The following ANKRD36C variants were observed in gnomAD, a reference collection of about 807,000 sequenced individuals.
The protein encoded by ANKRD36C is ankyrin repeat domain-containing protein 36C.
Under a neutral mutation model 276.4 loss-of-function variants are expected in ANKRD36C, and 61 were observed. The ratio of observed to expected loss-of-function variants is 0.22; its 90% CI spans 0.18 to 0.27. The LOEUF is 0.27. Ranked by LOEUF, ANKRD36C falls within the 10% of genes least tolerant of loss-of-function variation. The pLI is 1.00. For missense variants in ANKRD36C, 1,447 were observed against 2,032.3 expected (o/e 0.71, Z 5.54); for synonymous variants, 483 against 680.1 (o/e 0.71, Z 4.51).
chr2:95,903,274 T>C (rs1472840881), intron 42 of ANKRD36C, among the ~76,000 whole-genome samples, 193 bp from the exon 53 acceptor site: 6 of 150,376 alleles, frequency 4.0e-5, no homozygotes, highest in African/African-American at 1.2e-4. Flanking sequence ...CTCCACGAAA[T>C]ATAGTCTTAG....
Position 95,977,169 on chromosome 2 carries a change from CT to C in ANKRD36C, c.799+952del, listed in dbSNP as rs199704503. 3.8e-3 allele frequency among the ~76,000 whole-genome samples: 575 copies of C among 152,242 alleles called. 25 individuals are homozygous for C. Among genetic ancestry groups the C allele is most frequent in the Admixed American group, 0.034 (522 of 15,270 alleles). On this transcript the variant is annotated intron_variant, in intron 6 of 66. Transcript: ENST00000456556. ...TCCAGTCAGTGAACATGTCCTACTCCTTTCTTGTGTGCAGTATAAAGGCCAG... is the reference window on the plus strand; with the variant it reads ...TCCAGTCAGTGAACATGTCCTACTCCTTCTTGTGTGCAGTATAAAGGCCAG...
rs375580710 is a variant in ANKRD36C at position 95,884,406 on chromosome 2, C to T, written c.3164-38G>A. 36 of 1,610,088 alleles carry T rather than the reference C, an allele frequency of 2.2e-5. No individual in the cohort carries two copies. The South Asian group carries it at 2.6e-4, about 12-fold the overall frequency. Reference sequence around the variant, plus strand: ...AGGGATACATAATCACCCACATGCACGTATGATAAAGTTATTCATACATTC... The same window carrying T: ...AGGGATACATAATCACCCACATGCATGTATGATAAAGTTATTCATACATTC... On this transcript the variant is annotated intron_variant, in intron 52 of 66. Transcript: ENST00000456556.
At chr2:95,875,378 T>C (rs554269189) in intron 59 of ANKRD36C, among the ~76,000 whole-genome samples, 77 of 151,780 alleles carry the variant, frequency 5.1e-4, no homozygotes, top group African/African-American at 1.7e-3. Flanking sequence ...ATGTCCTTTG[T>C]AGGGACATGG....
intron 6 of ANKRD36C, among the ~76,000 whole-genome samples, chr2:95,974,890 G>A (rs1473492087): frequency 6.9e-6 from 1 of 145,922 alleles, no homozygotes; most frequent in African/African-American, 2.6e-5. Context: ...ACCTATGAGT[G>A]AGAACATGTG....
intron 59 of ANKRD36C, among the ~76,000 whole-genome samples, chr2:95,871,902 G>A (rs903707609): frequency 5.3e-5 from 8 of 150,704 alleles, no homozygotes; most frequent in African/African-American, 2.0e-4. Context: ...AACCAACAAA[G>A]ATCAAAAGAG....
rs376505642 is a variant in ANKRD36C, at chr2:95,852,578, G to A, written c.5149-382C>T. 7.7e-4 allele frequency: 134 copies of A among 174,414 alleles called. 3 individuals carry two copies. In the East Asian group the frequency reaches 0.013, roughly 16 times the overall value. The allele number at this position is 174,414 out of a possible 1,614,324, so 10.8% of individuals were successfully genotyped here. Reference sequence around the variant, plus strand: ...CTTGCTTTTGAATTACATTTTATCAGTTAAATACTCAAACTTACAAACTGG... The same window carrying A: ...CTTGCTTTTGAATTACATTTTATCAATTAAATACTCAAACTTACAAACTGG... On this transcript the variant is annotated intron_variant, in intron 64 of 66. Coordinates refer to ENST00000456556, the Ensembl canonical transcript of ANKRD36C.
At chr2:95,911,097 C>T (rs772558060) in intron 42 of ANKRD36C, among the ~76,000 whole-genome samples, 1 of 151,470 alleles carries the variant, frequency 6.6e-6, no homozygotes, top group Non-Finnish European at 1.5e-5. Context: ...AAATTGATCA[C>T]TTTGGATACC....
At chr2:95,855,734 A>G (rs1442785459) in exon 63 of ANKRD36C, 4 of 1,613,490 alleles carry the variant, frequency 2.5e-6, no homozygotes, top group African/African-American at 2.7e-5. Context: ...GAATCAGAAC[A>G]TGAGAATTCA....
At chr2:95,919,245 C>T (rs906620513) in intron 34 of ANKRD36C, among the ~76,000 whole-genome samples, 1 of 133,794 alleles carries the variant, frequency 7.5e-6, no homozygotes, top group African/African-American at 2.5e-5. Flanking sequence ...CTTTTCCCTC[C>T]TTCCTGCCTG....
chr2:95,915,174 G>A (rs964213155), intron 38 of ANKRD36C, among the ~76,000 whole-genome samples: 1 of 151,520 alleles, frequency 6.6e-6, no homozygotes, highest in South Asian at 2.1e-4. Context: ...GGAGTATCAT[G>A]TTATTTTCTA....
chr2:95,921,258 A>G (rs1281403683), intron 34 of ANKRD36C, among the ~76,000 whole-genome samples: 1 of 150,556 alleles, frequency 6.6e-6, no homozygotes, highest in Non-Finnish European at 1.5e-5. Context: ...TGTCTGTAAA[A>G]TCTATACTTC....
exon 1 of ANKRD36C, chr2:95,991,633 A>T: frequency 6.2e-7 from 1 of 1,614,058 alleles, no homozygotes; most frequent in Non-Finnish European, 8.5e-7. Context: ...TTAATGGGGT[A>T]TTGGGGAAAT....
chr2:95,859,705 TG>T (rs1325504101), intron 61 of ANKRD36C, among the ~76,000 whole-genome samples, 155 bp downstream of exon 81: 2 of 152,188 alleles, frequency 1.3e-5, no homozygotes, highest in Non-Finnish European at 2.9e-5. Flanking sequence ...ATTAAGAACT[TG>T]TGATATTATA....
chr2:95,984,207 A>G lies in ANKRD36C; in HGVS notation c.487-1845T>C, dbSNP rs549078836. Among the ~76,000 whole-genome samples the G allele has an allele frequency of 1.3e-3, 194 of 151,790 alleles. 1 individual carries two copies. In the Middle Eastern group the frequency reaches 0.024, roughly 19 times the overall value. ...AATATTTACTAAAATATATTATAAA[A>G]CAGGGCTTGTAAAGTCATCCCTACA... On this transcript the variant is annotated intron_variant, in intron 3 of 66. Coordinates refer to ENST00000456556, the Ensembl canonical transcript of ANKRD36C.
At chr2:95,960,092 T>G (rs1239894958) in intron 10 of ANKRD36C, among the ~76,000 whole-genome samples, 1 of 152,108 alleles carries the variant, frequency 6.6e-6, no homozygotes. Flanking sequence ...TTACGATCAC[T>G]TCTTCCCTCT....
At chr2:95,959,229 G>C (rs1678400797) in intron 10 of ANKRD36C, among the ~76,000 whole-genome samples, 1 of 151,948 alleles carries the variant, frequency 6.6e-6, no homozygotes, top group African/African-American at 2.4e-5. Flanking sequence ...AAACTTGCCT[G>C]ACAATTGAGC....
intron 6 of ANKRD36C, among the ~76,000 whole-genome samples, chr2:95,974,667 T>A (rs916575587): frequency 7.9e-5 from 12 of 152,122 alleles, no homozygotes; most frequent in South Asian, 2.1e-4. Context: ...TCTTTTTTTT[T>A]TATACTTTAA....
At chr2:95,887,262 A>T (rs1196420530) in intron 50 of ANKRD36C, among the ~76,000 whole-genome samples, 2 of 151,642 alleles carry the variant, frequency 1.3e-5, no homozygotes, top group East Asian at 3.9e-4. Flanking sequence ...AATAGTAACA[A>T]AGAAGAGTAA....
exon 64 of ANKRD36C, chr2:95,853,741 A>C: frequency 6.3e-7 from 1 of 1,593,858 alleles, no homozygotes; most frequent in Non-Finnish European, 8.5e-7. Flanking sequence ...TTCTTCCTTG[A>C]ATCCTGCATC....
Sources: allele counts gnomAD v4.1 joint callset (sites outside exome capture counted in the v4.1 genomes callset), GRCh38; gene constraint gnomAD v4.1.1; transcripts MANE v1.5; gene names NCBI Gene and HGNC (gene_info 2026-07-23, HGNC 2026-07-21).